Variants in PARPBP observed in about 807,000 individuals in gnomAD.
PARPBP encodes the protein PARP1 binding protein.
Under a neutral mutation model 50.0 loss-of-function variants are expected in PARPBP, and 52 were observed. That is an observed-to-expected ratio of 1.04 (90% CI 0.83 to 1.31). The LOEUF (loss-of-function observed/expected upper bound fraction) is 1.31, where lower values mean the gene tolerates loss of function less well. PARPBP is among the 50% of genes most tolerant of loss of function. The probability of loss-of-function intolerance (pLI) is 0.00; values close to 1 mark genes in which losing one functional copy is unlikely to be tolerated. For synonymous variants in PARPBP, 244 were observed against 232.1 expected (o/e 1.05, Z -0.47); for missense variants, 697 against 672.0 (o/e 1.04, Z -0.41).
rs1195728423 is a variant in PARPBP, at chr12:102,164,541, GACTAGGAAGAGAAGCCTTC to G, written c.603_621del (p.Gly202IlefsTer2). 1.2e-6 allele frequency: 2 copies of G among 1,612,528 alleles called. No homozygotes were observed. Among genetic ancestry groups the G allele is most frequent in the African/African-American group, 2.7e-5 (2 of 75,004 alleles). On this transcript the variant is annotated frameshift_variant, in exon 5 of 11. Coordinates refer to ENST00000327680, the MANE Select transcript of PARPBP (RefSeq NM_017915.5). LOFTEE classifies it high-confidence loss of function. ...TATATTCTCAATATTCCTGATAGAG[GACTAGGAAGAGAAGCCTTC>G]ACTGATTTGAAACATGCTGCTCGAG...
chr12:102,183,453 C>T (rs1421753761), intron 9 of PARPBP, among the ~76,000 whole-genome samples: 1 of 151,842 alleles, frequency 6.6e-6, no homozygotes, highest in East Asian at 1.9e-4. Context: ...ATCTACATAC[C>T]CTATACCCAT....
rs1397021048 is a variant in PARPBP, at chr12:102,138,448, T to G, written c.154-9782T>G. Among the ~76,000 whole-genome samples, 5 of 152,242 alleles carry G rather than the reference T, an allele frequency of 3.3e-5. No homozygotes were observed. The East Asian group carries it at 9.6e-4, about 29-fold the overall frequency. On this transcript the variant is annotated intron_variant, in intron 2 of 10. Coordinates refer to ENST00000327680, the MANE Select transcript of PARPBP (RefSeq NM_017915.5). ...AGATTGCAAAAATTTTCTCCCATTC[T>G]GTAGGTTGCCTGTTTACTCTGATGG... is the stretch of plus-strand genomic sequence containing the variant.
At chr12:102,120,864 G>A (rs747402614) in intron 1 of PARPBP, among the ~76,000 whole-genome samples, 1 of 152,144 alleles carries the variant, frequency 6.6e-6, no homozygotes, top group Non-Finnish European at 1.5e-5. Context: ...TCATAAAGGG[G>A]GAGCCTGGAA....
At chr12:102,155,715 C>G (rs1886810301) in intron 4 of PARPBP, among the ~76,000 whole-genome samples, 1 of 151,978 alleles carries the variant, frequency 6.6e-6, no homozygotes, top group Non-Finnish European at 1.5e-5. Flanking sequence ...TTAAATCTTG[C>G]AACTGCACAC....
intron 4 of PARPBP, among the ~76,000 whole-genome samples, chr12:102,162,715 G>T (rs924429862): frequency 6.6e-6 from 1 of 151,914 alleles, no homozygotes; most frequent in Non-Finnish European, 1.5e-5. Context: ...CTAGCTACCG[G>T]GGAAGCTGAG....
In PARPBP at chr12:102,197,104, A is replaced by C. The variant is rs567860974; in HGVS notation, c.*813A>C. The C allele has an allele frequency of 1.6e-5, 25 of 1,612,308 alleles. No individual in the cohort carries two copies. In the South Asian group the frequency reaches 2.7e-4, roughly 18 times the overall value. On this transcript the variant is annotated 3_prime_UTR_variant, in exon 11 of 11. Coordinates refer to ENST00000327680, the MANE Select transcript of PARPBP (RefSeq NM_017915.5). Reference sequence around the variant, plus strand: ...GAAAGCTACAGATCCTTTTAGTGCAAGATAAGGTTTTATAGCCAGATTCAG... The same window carrying C: ...GAAAGCTACAGATCCTTTTAGTGCACGATAAGGTTTTATAGCCAGATTCAG...
chr12:102,193,252 A>T, intron 9 of PARPBP, among the ~76,000 whole-genome samples: 1 of 151,956 alleles, frequency 6.6e-6, no homozygotes, highest in East Asian at 1.9e-4. Context: ...TAATAAAAGT[A>T]ACAAAACATT....
At chr12:102,182,702 C>A in intron 9 of PARPBP, 75 bp downstream of exon 9, 2 of 965,234 alleles carry the variant, frequency 2.1e-6, no homozygotes, top group Non-Finnish European at 3.3e-6. Flanking sequence ...TGAAGCTGAG[C>A]TGGGTATTGT....
intron 9 of PARPBP, among the ~76,000 whole-genome samples, chr12:102,190,288 A>C (rs1467366945): frequency 1.3e-5 from 2 of 152,036 alleles, no homozygotes; most frequent in Non-Finnish European, 2.9e-5. Flanking sequence ...TTACTTCATT[A>C]ATTAATTCAT....
chr12:102,128,510 C>T (rs145520446), intron 2 of PARPBP, among the ~76,000 whole-genome samples: 1 of 152,188 alleles, frequency 6.6e-6, no homozygotes, highest in Non-Finnish European at 1.5e-5. Context: ...GGATTACAGG[C>T]ATGAGCCACC....
chr12:102,194,122 G>C (rs185369525), intron 9 of PARPBP, among the ~76,000 whole-genome samples: 37 of 152,036 alleles, frequency 2.4e-4, no homozygotes, highest in African/African-American at 7.9e-4. Flanking sequence ...CTTTTTCTAA[G>C]TCATAGTCAG....
chr12:102,151,592 C>G, intron 3 of PARPBP: 1 of 1,535,600 alleles, frequency 6.5e-7, no homozygotes, highest in Non-Finnish European at 8.7e-7. Flanking sequence ...CAGCCACCTT[C>G]AGAAAGAGGA....
At position 102,128,015 on chromosome 12, in the gene PARPBP, C is replaced by G. The variant is rs575099032; in HGVS notation, c.153+3974C>G. Among the ~76,000 whole-genome samples, 4 of 152,282 alleles carry G rather than the reference C, an allele frequency of 2.6e-5. No individual in the cohort carries two copies. In the South Asian group the frequency reaches 8.3e-4, roughly 32 times the overall value. ...AATATGCATTACCTCACATTCTTAA[C>G]ATTTTTGTGGTGATAACAATTAAAA... On this transcript the variant is annotated intron_variant, in intron 2 of 10. Coordinates refer to ENST00000327680, the MANE Select transcript of PARPBP (RefSeq NM_017915.5).
At chr12:102,131,282 A>G (rs1012670451) in intron 2 of PARPBP, among the ~76,000 whole-genome samples, 1 of 152,310 alleles carries the variant, frequency 6.6e-6, no homozygotes, top group African/African-American at 2.4e-5. Context: ...CTGAGATTAC[A>G]CCACTGCACT....
rs1886546036 is a variant in PARPBP, at chr12:102,153,919, A to T, written c.438A>T (p.Glu146Asp). Residue 146 changes from glutamate (E) to aspartate (D), a missense_variant, in exon 4 of 11, where the codon GAA becomes GAT. Transcript: ENST00000327680. ...LSGKQYAVGD[E>D]TDLSIPTSPT... ...GCAAACAGTATGCAGTAGGTGATGA[A>T]ACTGATCTTTCTATACCAACATCAC... The T allele has an allele frequency of 6.2e-7, 1 of 1,611,868 alleles. No homozygotes were observed. Among genetic ancestry groups the T allele is most frequent in the Non-Finnish European group, 8.5e-7 (1 of 1,178,186 alleles).
intron 9 of PARPBP, among the ~76,000 whole-genome samples, chr12:102,185,556 TATTTTTG>T (rs1222687049): frequency 2.0e-5 from 3 of 152,226 alleles, no homozygotes; most frequent in Non-Finnish European, 4.4e-5. Context: ...TCTCCTCATC[TATTTTTG>T]GAATAGTTTG....
intron 2 of PARPBP, among the ~76,000 whole-genome samples, chr12:102,137,538 G>T (rs1310756750): frequency 6.6e-6 from 1 of 151,250 alleles, no homozygotes; most frequent in Non-Finnish European, 1.5e-5. Context: ...TAATTCTAGG[G>T]TATATGTGCA....
rs113418495 is a variant in PARPBP at position 102,151,701 on chromosome 12, A to G, written c.388-2168A>G. 10 of 1,535,688 alleles carry G rather than the reference A, an allele frequency of 6.5e-6. No homozygotes were observed. The African/African-American group carries it at 6.8e-5, about 10-fold the overall frequency. ...AGCGGCAGAAGGGAGAGTCCCTCTT[A>G]GCATGGAGCTGGTCCCTAAACTTCA... On this transcript the variant is annotated intron_variant, in intron 3 of 10. Coordinates refer to ENST00000327680, the MANE Select transcript of PARPBP (RefSeq NM_017915.5).
At chr12:102,194,503 C>A (rs2137533969) in intron 9 of PARPBP, among the ~76,000 whole-genome samples, 1 of 152,006 alleles carries the variant, frequency 6.6e-6, no homozygotes, top group East Asian at 1.9e-4. Flanking sequence ...TAATTTCTAT[C>A]CCCAATAGCT....
Sources: allele counts gnomAD v4.1 joint callset (sites outside exome capture counted in the v4.1 genomes callset), GRCh38; gene constraint gnomAD v4.1.1; transcripts MANE v1.5; gene names NCBI Gene and HGNC (gene_info 2026-07-23, HGNC 2026-07-21).